Variants in UAP1L1 observed in about 807,000 individuals in gnomAD.
UAP1L1 encodes UDP-N-acetylglucosamine pyrophosphorylase 1 like 1.
A neutral mutation model predicts 45.3 loss-of-function variants in UAP1L1; 45 were observed. The observed-to-expected ratio is 0.99, with a 90% CI of 0.78 to 1.27. The LOEUF (loss-of-function observed/expected upper bound fraction) is 1.27. Ranked by LOEUF, UAP1L1 falls within the 50% of genes most tolerant of loss-of-function variation. UAP1L1 has a pLI of 0.00. For synonymous variants in UAP1L1, 323 were observed against 303.9 expected (o/e 1.06, Z -0.65); for missense variants, 667 against 694.0 (o/e 0.96, Z 0.44).
chr9:137,080,571 G>A lies in UAP1L1; in HGVS notation c.1179-118G>A, dbSNP rs542814586. The A allele has an allele frequency of 3.1e-4, 322 of 1,047,502 alleles. 3 individuals carry two copies. In the South Asian group the frequency reaches 4.9e-3, roughly 16 times the overall value. The allele number at this position is 1,047,502 out of a possible 1,614,324, so 64.9% of individuals were successfully genotyped here. A position where few individuals can be genotyped will look rare whatever the true frequency, so the allele number is the denominator to read the frequency against. ...CAGTACCTGCGGGGGCTCCTCCCTA[G>A]ACTTGCTGCCCATGGGACCAGACCT... On this transcript the variant is annotated intron_variant, in intron 6 of 8. Coordinates refer to ENST00000409858, the MANE Select transcript of UAP1L1 (RefSeq NM_207309.3).
At chr9:137,081,285 CA>C (rs1450730496) in intron 7 of UAP1L1, among the ~76,000 whole-genome samples, 2 of 151,720 alleles carry the variant, frequency 1.3e-5, no homozygotes, top group East Asian at 3.9e-4. Flanking sequence ...CTGCAAGCTC[CA>C]CCCTCCCCCG....
At chr9:137,081,652 C>T (rs923489528) in intron 7 of UAP1L1, among the ~76,000 whole-genome samples, 6 of 152,164 alleles carry the variant, frequency 3.9e-5, no homozygotes, top group African/African-American at 1.2e-4. Flanking sequence ...AACTGAGCCC[C>T]GGGCATGAAT....
chr9:137,080,005 G>A lies in UAP1L1; in HGVS notation c.1041G>A (p.Glu347=). 2.5e-6 allele frequency: 4 copies of A among 1,613,584 alleles called. No individual in the cohort carries two copies. Among genetic ancestry groups the A allele is most frequent in the Non-Finnish European group, 3.4e-6 (4 of 1,179,926 alleles). The change falls in exon 6 of 9, where the codon GAG becomes GAA. Residue 347 remains glutamate, a synonymous_variant. Coordinates refer to ENST00000409858, the MANE Select transcript of UAP1L1 (RefSeq NM_207309.3). ...CCTCTGCTCTCCCGTGCCCCAGGGA[G>A]TTTGAGCCTTTGCTGAAGCCACACG... ...TRGFLKAVTR[E]FEPLLKPHVA... is the part of the protein sequence containing the mutation.
In UAP1L1 at chr9:137,079,438, G is replaced by C. The variant is rs1437999410; in HGVS notation, c.1026G>C (p.Lys342Asn). The part of the protein sequence containing the change: ...CNHFFTRGFL[K>N]AVTREFEPLL... ...ACTTCTTCACCCGAGGCTTCCTTAA[G>C]GCGGTCACCAGGTGTGCGGCAGCAG... Residue 342 changes from lysine (K) to asparagine (N), a missense_variant, in exon 5 of 9, where the codon AAG (lysine) becomes AAC (asparagine). Lys to Asn is a moderately conservative substitution (Grantham distance 94). Coordinates refer to ENST00000409858, the MANE Select transcript of UAP1L1 (RefSeq NM_207309.3). The C allele has an allele frequency of 6.3e-7, 1 of 1,589,166 alleles. No individual in the cohort carries two copies. The highest frequency in any genetic ancestry group is 2.3e-5 in the East Asian group (1 of 44,172).
Position 137,080,846 on chromosome 9 carries a change from C to T in UAP1L1, c.1336C>T (p.His446Tyr). The change falls in exon 7 of 9, where the codon CAT (histidine) becomes TAT (tyrosine). Residue 446 changes from histidine to tyrosine, a missense_variant. Physicochemically the swap from His to Tyr is moderately conservative, Grantham distance 83. Coordinates refer to ENST00000409858, the MANE Select transcript of UAP1L1 (RefSeq NM_207309.3). ...LRAGARFLDA[H>Y]GAWLPELPSL... ...GGCCGGGGCCCGCTTCCTGGATGCCCATGGGGCCTGGCTCCCAGAGCTGCC... is the reference window on the plus strand; with the variant it reads ...GGCCGGGGCCCGCTTCCTGGATGCCTATGGGGCCTGGCTCCCAGAGCTGCC... 1 of 1,604,892 alleles carries T rather than the reference C, an allele frequency of 6.2e-7. No homozygotes were observed. The highest frequency in any genetic ancestry group is 1.3e-5 in the African/African-American group (1 of 74,852).
At chr9:137,081,206 A>G (rs568358728) in intron 7 of UAP1L1, among the ~76,000 whole-genome samples, 30 of 151,546 alleles carry the variant, frequency 2.0e-4, no homozygotes, top group Non-Finnish European at 4.1e-4. Context: ...TTTTATTTTT[A>G]TTTACTTTTT....
chr9:137,080,017 G>A lies in UAP1L1; in HGVS notation c.1053G>A (p.Leu351=). The A allele has an allele frequency of 6.2e-7, 1 of 1,613,984 alleles. No homozygotes were observed. The highest frequency in any genetic ancestry group is 8.5e-7 in the Non-Finnish European group (1 of 1,179,950). ...CGTGCCCCAGGGAGTTTGAGCCTTT[G>A]CTGAAGCCACACGTGGCTGTGAAGA... ...LKAVTREFEP[L]LKPHVAVKKV... Residue 351 remains leucine (L), a synonymous_variant, in exon 6 of 9, where the codon TTG becomes TTA. Transcript: ENST00000409858.
rs1487009640 is a variant in UAP1L1, at chr9:137,083,912, G to A, written c.*1183G>A. 1 of 152,346 alleles carries A rather than the reference G, an allele frequency of 6.6e-6. No homozygotes were observed. Among genetic ancestry groups the A allele is most frequent in the Non-Finnish European group, 1.5e-5 (1 of 68,104 alleles). 9.4% of individuals were successfully genotyped at this position (152,346 alleles called of 1,614,324 possible). A position where few individuals can be genotyped will look rare whatever the true frequency, so the allele number is the denominator to read the frequency against. ...TTTCCCAGGGGAGGGGTGTTGTCTGGAAGGGCAGGTTCAGATGCAGCCTTC... is the reference window on the plus strand; with the variant it reads ...TTTCCCAGGGGAGGGGTGTTGTCTGAAAGGGCAGGTTCAGATGCAGCCTTC... On this transcript the variant is annotated 3_prime_UTR_variant, in exon 9 of 9. Transcript: ENST00000409858.
chr9:137,082,039 C>A lies in UAP1L1; in HGVS notation c.1406C>A (p.Ser469Ter). 6.2e-7 allele frequency: 1 copy of A among 1,614,058 alleles called. No homozygotes were observed. Among genetic ancestry groups the A allele is most frequent in the South Asian group, 1.1e-5 (1 of 91,084 alleles). ...GACCCTCCGGCCATCTGTGAGATAT[C>A]GCCCTTGGTGTCTTACTCTGGAGAG... is the stretch of plus-strand genomic sequence containing the variant. ...NGDPPAICEISPLVSYSGEGL... is the reference protein window; with the variant it reads ...NGDPPAICEI Residue 469 changes from serine (S) to a stop codon, truncating the protein, a stop_gained, in exon 8 of 9, where the codon TCG becomes TAG. Coordinates refer to ENST00000409858, the MANE Select transcript of UAP1L1 (RefSeq NM_207309.3). LOFTEE classifies it high-confidence loss of function. This position sits in a 1 kb window ranked among gnomAD's most constrained non-coding sequence, Gnocchi z 5.7.
intron 3 of UAP1L1, 50 bp from the exon 4 acceptor site, chr9:137,078,926 C>A: frequency 1.9e-6 from 3 of 1,540,566 alleles, no homozygotes; most frequent in South Asian, 1.3e-5. Context: ...ACTCCCAGAG[C>A]GATCCCTGGC....
Position 137,083,065 on chromosome 9 carries a change from C to A in UAP1L1, c.*336C>A. 6.6e-6 allele frequency: 2 copies of A among 302,686 alleles called. No homozygotes were observed. The highest frequency in any genetic ancestry group is 8.5e-5 in the South Asian group (2 of 23,528). The allele number at this position is 302,686 out of a possible 1,614,324, so 18.8% of individuals were successfully genotyped here. The stretch of plus-strand genomic sequence containing the variant: ...CTGGGAGAATGGGGCTGAGAGGAGG[C>A]TTCGGGTTGGGGCCCAAGGGAGGTG... On this transcript the variant is annotated 3_prime_UTR_variant, in exon 9 of 9. Transcript: ENST00000409858.
At position 137,077,897 on chromosome 9, in the gene UAP1L1, G is replaced by A. The variant is rs1832717654; in HGVS notation, c.289+76G>A. 5 of 1,467,712 alleles carry A rather than the reference G, an allele frequency of 3.4e-6. No individual in the cohort carries two copies. The highest frequency in any genetic ancestry group is 1.4e-5 in the African/African-American group (1 of 71,084). The allele number at this position is 1,467,712 out of a possible 1,614,324, so 90.9% of individuals were successfully genotyped here. Reference sequence around the variant, plus strand: ...GCGGGTGGGAACCGAGGCCGCGCTCGGGGAACTGTAGTTCTCCTCGCTACT... The same window carrying A: ...GCGGGTGGGAACCGAGGCCGCGCTCAGGGAACTGTAGTTCTCCTCGCTACT... On this transcript the variant is annotated intron_variant, in intron 1 of 8. Transcript: ENST00000409858. The surrounding 1 kb of genome is among the most constrained non-coding windows in gnomAD (Gnocchi z 4.7).
chr9:137,078,877 C>A, intron 3 of UAP1L1, 99 bp from the exon 4 acceptor site: 1 of 1,439,472 alleles, frequency 6.9e-7, no homozygotes, highest in Non-Finnish European at 9.3e-7. Context: ...CTGCCTTAGG[C>A]ACAAGGCCGG....
chr9:137,078,158 C>G lies in UAP1L1; in HGVS notation c.398C>G (p.Pro133Arg), dbSNP rs939722359. The change falls in exon 2 of 9, where the codon CCC becomes CGC. Residue 133 changes from proline (P) to arginine (R), a missense_variant. Physicochemically the swap from Pro to Arg is moderately radical, Grantham distance 103. Coordinates refer to ENST00000409858, the MANE Select transcript of UAP1L1 (RefSeq NM_207309.3). ...YPKGMYRVGL[P>R]SRKTLYQLQA... ...AAGGGTATGTACCGTGTGGGGCTGC[C>G]CAGCCGGAAGACCCTGTACCAGCTG... The G allele has an allele frequency of 7.7e-6, 12 of 1,549,986 alleles. No homozygotes were observed. In the Admixed American group the frequency reaches 2.4e-4, roughly 30 times the overall value.
intron 4 of UAP1L1, 52 bp downstream of exon 4, chr9:137,079,200 A>G (rs7390711): frequency 0.98 from 1,557,988 of 1,588,080 alleles, 767,442 homozygotes; most frequent in Non-Finnish European, 1. Context: ...CCCGCCCCTC[A>G]CGGAGCCCCG....
In UAP1L1 at chr9:137,082,303, G is replaced by A. The variant is rs1373687505; in HGVS notation, c.1431+239G>A. 3 of 603,700 alleles carry A rather than the reference G, an allele frequency of 5.0e-6. No homozygotes were observed. The East Asian group carries it at 8.3e-5, about 17-fold the overall frequency. The allele number at this position is 603,700 out of a possible 1,614,324, so 37.4% of individuals were successfully genotyped here. On this transcript the variant is annotated intron_variant, in intron 8 of 8. Coordinates refer to ENST00000409858, the MANE Select transcript of UAP1L1 (RefSeq NM_207309.3). The surrounding 1 kb of genome is among the most constrained non-coding windows in gnomAD (Gnocchi z 5.7). ...GAGACAGCCCAGGTCTGAGCCCAGT[G>A]TGGGGCCAGTCAGGCCTTGGTGGGG...
intron 3 of UAP1L1, 68 bp from the exon 4 acceptor site, chr9:137,078,908 C>T: frequency 6.6e-7 from 1 of 1,514,682 alleles, no homozygotes; most frequent in East Asian, 2.3e-5. Flanking sequence ...GCCTCCAGCA[C>T]GTCCTAGACT....
intron 5 of UAP1L1, 85 bp downstream of exon 5, chr9:137,079,534 C>A (rs1832759081): frequency 2.2e-6 from 3 of 1,356,392 alleles, no homozygotes; most frequent in Non-Finnish European, 3.0e-6. Context: ...GAGCTGAGTG[C>A]CCTGGGCCAC....
At chr9:137,078,367 C>T (rs781360427) in intron 2 of UAP1L1, 113 bp downstream of exon 2, 1 of 1,567,930 alleles carries the variant, frequency 6.4e-7, no homozygotes, top group Admixed American at 1.8e-5. Context: ...TTGCCCAGAA[C>T]CGGCCCAAAA....
Sources: allele counts gnomAD v4.1 joint callset (sites outside exome capture counted in the v4.1 genomes callset), GRCh38; gene constraint gnomAD v4.1.1; non-coding constraint Gnocchi (gnomAD v3.1); transcripts MANE v1.5; gene names NCBI Gene and HGNC (gene_info 2026-07-23, HGNC 2026-07-21).